Variants in EXOC1 observed in about 807,000 individuals in gnomAD.
EXOC1 encodes the protein SEC3-like 1.
In EXOC1, 67 loss-of-function variants were observed where a neutral mutation model predicts 107.7. The ratio of observed to expected loss-of-function variants is 0.62; its 90% CI spans 0.51 to 0.76. EXOC1 has a LOEUF of 0.76. Among genes scored for constraint, EXOC1 ranks in the 30% least tolerant of loss-of-function variants. The probability of loss-of-function intolerance (pLI) is 0.00; values close to 1 mark genes in which losing one functional copy is unlikely to be tolerated. For synonymous variants in EXOC1, 348 were observed against 353.5 expected (o/e 0.98, Z 0.17); for missense variants, 833 against 1,055.7 (o/e 0.79, Z 2.92).
At chr4:55,895,914 C>G (rs1017287561) in intron 15 of EXOC1, among the ~76,000 whole-genome samples, 2 of 152,118 alleles carry the variant, frequency 1.3e-5, no homozygotes, top group Non-Finnish European at 2.9e-5. Flanking sequence ...TTTGTCTATC[C>G]AGACAGAAAT....
chr4:55,859,439 G>A lies in EXOC1; in HGVS notation c.125-972G>A, dbSNP rs536793332. On this transcript the variant is annotated intron_variant, in intron 2 of 18. Coordinates refer to ENST00000381295, the MANE Select transcript of EXOC1 (RefSeq NM_001024924.2). ...TTAATACATTTTAAAATCATATATT[G>A]TTAGAATTCTACAATGAATTGTTGG... is the stretch of plus-strand genomic sequence containing the variant. 1.3e-4 allele frequency among the ~76,000 whole-genome samples: 20 copies of A among 152,198 alleles called. No homozygotes were observed. In the South Asian group the frequency reaches 4.1e-3, roughly 32 times the overall value.
At chr4:55,886,195 G>A (rs953338834) in intron 10 of EXOC1, among the ~76,000 whole-genome samples, 2 of 152,132 alleles carry the variant, frequency 1.3e-5, no homozygotes, top group African/African-American at 4.8e-5. Flanking sequence ...CTGGTGTTCA[G>A]TAAGTTGAGT....
In EXOC1 at chr4:55,870,794, A is replaced by G. The variant is rs747511391; in HGVS notation, c.720A>G (p.Glu240=). 8.1e-6 allele frequency: 13 copies of G among 1,613,936 alleles called. No homozygotes were observed. In the South Asian group the frequency reaches 9.9e-5, roughly 12 times the overall value. ...QIELKLSSYE[E]MLQSVKEQMD... ...AATTGAAACTGAGCAGTTATGAGGA[A>G]ATGCTCCAAAGTGTAAAAGAACAAA... The change falls in exon 6 of 19, where the codon GAA becomes GAG. Residue 240 remains glutamate (E), a synonymous_variant. Transcript: ENST00000381295.
Position 55,875,660 on chromosome 4 carries a change from A to C in EXOC1, c.1075-2257A>C, listed in dbSNP as rs1381143713. ...AATCATTGAGAAAAATTAATGAGGA[A>C]GATTGTTTTGGATAACGATACATTG... On this transcript the variant is annotated intron_variant, in intron 8 of 18. Transcript: ENST00000381295. The C allele has an allele frequency of 2.0e-5, 20 of 985,164 alleles. No homozygotes were observed. In the Admixed American group the frequency reaches 1.2e-3, roughly 61 times the overall value. The allele number at this position is 985,164 out of a possible 1,614,324, so 61.0% of individuals were successfully genotyped here.
chr4:55,898,995 A>T (rs1725573356), intron 16 of EXOC1, among the ~76,000 whole-genome samples: 1 of 152,170 alleles, frequency 6.6e-6, no homozygotes, highest in African/African-American at 2.4e-5. Context: ...CAGAAAGCTT[A>T]TGTCAGTTTA....
chr4:55,872,717 T>G (rs1268747710), intron 8 of EXOC1: 38 of 786,232 alleles, frequency 4.8e-5, no homozygotes, highest in Non-Finnish European at 5.9e-5. Flanking sequence ...TGCAATATTC[T>G]AAAACAATTG....
At chr4:55,885,273 C>T (rs1723764316) in intron 10 of EXOC1, among the ~76,000 whole-genome samples, 1 of 152,112 alleles carries the variant, frequency 6.6e-6, no homozygotes, top group African/African-American at 2.4e-5. Context: ...CTAAAATTAT[C>T]TCCTGAGTAG....
intron 5 of EXOC1, among the ~76,000 whole-genome samples, chr4:55,869,356 A>G (rs1475778795): frequency 6.6e-6 from 1 of 152,096 alleles, no homozygotes; most frequent in Non-Finnish European, 1.5e-5. Context: ...ACAGAGTGAC[A>G]CTCTGTCTCA....
Position 55,896,514 on chromosome 4 carries a change from A to G in EXOC1, c.1954-203A>G, listed in dbSNP as rs532248953. Among the ~76,000 whole-genome samples the G allele has an allele frequency of 4.1e-4, 62 of 152,306 alleles. 1 individual carries two copies. The highest frequency in any genetic ancestry group is 1.5e-4 in the Non-Finnish European group (10 of 68,018). ...TTACTGTAAAATGGTTTTATTATCT[A>G]TAGAATTAGTTTTTCTTAGTTATCC... On this transcript the variant is annotated intron_variant, in intron 15 of 18. Coordinates refer to ENST00000381295, the MANE Select transcript of EXOC1 (RefSeq NM_001024924.2).
At position 55,865,673 on chromosome 4, in the gene EXOC1, G is replaced by A. The variant is rs139513335; in HGVS notation, c.415+1287G>A. ...TGTCTTCAAATATTATGCATTTCCA[G>A]ATGTTATTTATTGTGTAAGGTGATT... On this transcript the variant is annotated intron_variant, in intron 4 of 18. Coordinates refer to ENST00000381295, the MANE Select transcript of EXOC1 (RefSeq NM_001024924.2). Among the ~76,000 whole-genome samples, 505 of 152,092 alleles carry A rather than the reference G, an allele frequency of 3.3e-3. 6 individuals are homozygous for A. The highest frequency in any genetic ancestry group is 0.012 in the African/African-American group (483 of 41,490).
chr4:55,860,999 AT>A (rs1297119439), intron 3 of EXOC1, among the ~76,000 whole-genome samples: 1 of 151,810 alleles, frequency 6.6e-6, no homozygotes, highest in African/African-American at 2.4e-5. Context: ...TACATACCTT[AT>A]TTTAAGGAAT....
chr4:55,871,766 G>A (rs1033694765), intron 7 of EXOC1, 83 bp from the exon 8 acceptor site: 28 of 1,272,824 alleles, frequency 2.2e-5, no homozygotes, highest in South Asian at 4.0e-5. Flanking sequence ...TCTTCAAAAC[G>A]TTAGATACGT....
Position 55,853,699 on chromosome 4 carries a change from C to G in EXOC1, c.-265C>G, listed in dbSNP as rs904681733. 6.6e-6 allele frequency: 1 copy of G among 152,282 alleles called. No homozygotes were observed. Among genetic ancestry groups the G allele is most frequent in the African/African-American group, 2.4e-5 (1 of 41,474 alleles). 9.4% of individuals were successfully genotyped at this position (152,282 alleles called of 1,614,324 possible). ...AAGTGTTGGGGGAACGGCCGCTTCC[C>G]GTTCAACGCTTTATTGAGGGGCGTA... On this transcript the variant is annotated 5_prime_UTR_variant, in exon 1 of 19. Transcript: ENST00000381295.
At position 55,868,254 on chromosome 4, in the gene EXOC1, T is replaced by A. The variant is rs543357311; in HGVS notation, c.416-82T>A. 4.5e-4 allele frequency: 542 copies of A among 1,201,304 alleles called. 1 individual carries two copies. Among genetic ancestry groups the A allele is most frequent in the Non-Finnish European group, 5.0e-4 (442 of 886,902 alleles). 74.4% of individuals were successfully genotyped at this position (1,201,304 alleles called of 1,614,324 possible). On this transcript the variant is annotated intron_variant, in intron 4 of 18. Coordinates refer to ENST00000381295, the MANE Select transcript of EXOC1 (RefSeq NM_001024924.2). The stretch of plus-strand genomic sequence containing the variant: ...AGCTGCTAAATGTGACCTGTGCTTA[T>A]AACTATACCTACCTATATGTATTAT...
At chr4:55,860,066 A>T (rs1435122779) in intron 2 of EXOC1, among the ~76,000 whole-genome samples, 1 of 152,186 alleles carries the variant, frequency 6.6e-6, no homozygotes, top group Non-Finnish European at 1.5e-5. Flanking sequence ...ATATAAATGT[A>T]TTGTTGCTCT....
chr4:55,875,502 A>T (rs1022986240), intron 8 of EXOC1: 4 of 973,790 alleles, frequency 4.1e-6, no homozygotes, highest in African/African-American at 1.8e-5. Flanking sequence ...GAGTGCAGAC[A>T]CTAGAGCCAA....
At chr4:55,883,605 G>C (rs974186034) in intron 9 of EXOC1, 1 of 368,114 alleles carries the variant, frequency 2.7e-6, no homozygotes, top group Non-Finnish European at 4.9e-6. Flanking sequence ...ATATAAATAT[G>C]GTTATGTTTG....
intron 15 of EXOC1, among the ~76,000 whole-genome samples, chr4:55,895,003 G>A (rs940689697): frequency 1.3e-5 from 2 of 152,096 alleles, no homozygotes; most frequent in African/African-American, 2.4e-5. Flanking sequence ...TCAAGGCATG[G>A]CACTAGAGAA....
At chr4:55,891,053 T>C (rs1348884580) in intron 12 of EXOC1, among the ~76,000 whole-genome samples, 1 of 152,222 alleles carries the variant, frequency 6.6e-6, no homozygotes, top group Non-Finnish European at 1.5e-5. Flanking sequence ...AAGTTGATCT[T>C]TGTGCTCCTC....
Sources: allele counts gnomAD v4.1 joint callset (sites outside exome capture counted in the v4.1 genomes callset), GRCh38; gene constraint gnomAD v4.1.1; transcripts MANE v1.5; gene names NCBI Gene and HGNC (gene_info 2026-07-23, HGNC 2026-07-21).